The following SRFBP1 variants were observed in gnomAD, a reference collection of about 807,000 sequenced individuals.
SRFBP1 encodes the protein serum response factor-binding protein 1.
Under a neutral mutation model 45.5 loss-of-function variants are expected in SRFBP1, and 47 were observed. That is an observed-to-expected ratio of 1.03 (90% CI 0.82 to 1.32). SRFBP1 has a LOEUF of 1.32. Ranked by LOEUF, SRFBP1 falls within the 40% of genes most tolerant of loss-of-function variation. The pLI, the probability that SRFBP1 is intolerant of heterozygous loss-of-function variation, is 0.00. For missense variants in SRFBP1, 621 were observed against 484.6 expected, an observed-to-expected ratio of 1.28 and a Z score of -2.64; for synonymous variants, 203 against 166.3, an observed-to-expected ratio of 1.22 and a Z score of -1.70.
chr5:122,002,990 A>C (rs1270478559), intron 4 of SRFBP1, among the ~76,000 whole-genome samples: 1 of 152,218 alleles, frequency 6.6e-6, no homozygotes, highest in Non-Finnish European at 1.5e-5. Context: ...CAGAAAAGCA[A>C]CACCAAAGTT....
rs778604962 is a variant in SRFBP1, at chr5:121,975,297, G to C, written c.126-18G>C. 18 of 1,611,872 alleles carry C rather than the reference G, an allele frequency of 1.1e-5. No individual in the cohort carries two copies. On this transcript the variant is annotated intron_variant, in intron 2 of 7. Transcript: ENST00000339397. ...TTAATGCTTTGCCTGGCTACATATCGTAATGTATTTTTTGCAGGGGTACTG... is the reference window on the plus strand; with the variant it reads ...TTAATGCTTTGCCTGGCTACATATCCTAATGTATTTTTTGCAGGGGTACTG...
chr5:122,041,366 GT>G (rs1753770113), intron 2 of SRFBP1, among the ~76,000 whole-genome samples: 3 of 152,120 alleles, frequency 2.0e-5, no homozygotes, highest in Admixed American at 6.6e-5. Context: ...AAAGCAATCA[GT>G]ATAGGTATTT....
intron 2 of SRFBP1, among the ~76,000 whole-genome samples, chr5:122,056,835 C>G (rs1474787803): frequency 6.6e-6 from 1 of 152,090 alleles, no homozygotes; most frequent in East Asian, 1.9e-4. Flanking sequence ...AGGGCATGTC[C>G]TTTACTCCTG....
rs1677738501 is a variant in SRFBP1, at chr5:122,027,170, G to T, written c.*44G>T. 7 of 1,445,856 alleles carry T rather than the reference G, an allele frequency of 4.8e-6. No homozygotes were observed. The Admixed American group carries it at 1.2e-4, about 25-fold the overall frequency. The allele number at this position is 1,445,856 out of a possible 1,614,324, so 89.6% of individuals were successfully genotyped here. On this transcript the variant is annotated 3_prime_UTR_variant, in exon 8 of 8. Transcript: ENST00000339397. ...AACTTTTCCATCTAAAAAAAAAAAT[G>T]TTTTTTTTAAGACAGGATCTCATTC...
chr5:122,047,245 A>G (rs1486084277), intron 2 of SRFBP1, among the ~76,000 whole-genome samples: 1 of 152,218 alleles, frequency 6.6e-6, no homozygotes, highest in Non-Finnish European at 1.5e-5. Flanking sequence ...GAAGGGATCC[A>G]GTTTCAGCTT....
At chr5:122,059,108 GT>G (rs1292097341) in intron 2 of SRFBP1, among the ~76,000 whole-genome samples, 1 of 152,022 alleles carries the variant, frequency 6.6e-6, no homozygotes, top group African/African-American at 2.4e-5. Flanking sequence ...AGAGTATGTC[GT>G]TTTTTTCCAA....
intron 4 of SRFBP1, among the ~76,000 whole-genome samples, chr5:122,010,580 G>T (rs541818987): frequency 4.6e-5 from 7 of 152,082 alleles, no homozygotes; most frequent in Non-Finnish European, 8.8e-5. Context: ...ACTTCCTCCA[G>T]TTGATTGATA....
downstream of SRFBP1, chr5:122,077,066 A>G: frequency 2.5e-6 from 4 of 1,591,408 alleles, no homozygotes; most frequent in Non-Finnish European, 3.4e-6. The surrounding 1 kb of genome is among the most constrained non-coding windows in gnomAD (Gnocchi z 4.9). Context: ...CCAACTCCCT[A>G]CCCCTCTAGG....
chr5:121,986,869 G>A (rs1274733043), intron 3 of SRFBP1, among the ~76,000 whole-genome samples: 5 of 152,092 alleles, frequency 3.3e-5, no homozygotes, highest in African/African-American at 1.2e-4. Context: ...ATTTTAAAAA[G>A]CAAACATATT....
intron 4 of SRFBP1, among the ~76,000 whole-genome samples, chr5:121,997,205 A>T (rs1561585132): frequency 6.7e-6 from 1 of 149,274 alleles, no homozygotes; most frequent in Non-Finnish European, 1.5e-5. Flanking sequence ...CCCCATCGCC[A>T]AGTCAATCCT....
At chr5:121,970,788 A>G (rs765609344) in intron 1 of SRFBP1, among the ~76,000 whole-genome samples, 30 of 152,270 alleles carry the variant, frequency 2.0e-4, no homozygotes, top group African/African-American at 5.5e-4. Context: ...GCCATGCACT[A>G]TGTTAGGTGT....
intron 2 of SRFBP1, among the ~76,000 whole-genome samples, chr5:122,072,810 G>T (rs1055621619): frequency 6.6e-6 from 1 of 152,218 alleles, no homozygotes; most frequent in African/African-American, 2.4e-5. Context: ...AACCAGAAGT[G>T]CTATAATGTC....
intron 4 of SRFBP1, among the ~76,000 whole-genome samples, chr5:122,008,917 A>G (rs931154667): frequency 2.0e-5 from 3 of 152,140 alleles, no homozygotes; most frequent in Non-Finnish European, 4.4e-5. Flanking sequence ...AAATAACGTG[A>G]GTTTTGGGAG....
At chr5:121,983,839 G>C (rs752558447) in intron 3 of SRFBP1, among the ~76,000 whole-genome samples, 10 of 151,594 alleles carry the variant, frequency 6.6e-5, no homozygotes, top group Non-Finnish European at 1.5e-4. Flanking sequence ...AAATTTCTTA[G>C]TAGTAAACTT....
At chr5:122,021,450 G>A (rs189847338) in intron 6 of SRFBP1, among the ~76,000 whole-genome samples, 1 of 152,188 alleles carries the variant, frequency 6.6e-6, no homozygotes, top group East Asian at 1.9e-4. Context: ...AACTGTTTTT[G>A]CATATATTTA....
At chr5:122,066,558 A>G in intron 2 of SRFBP1, 1 of 495,500 alleles carries the variant, frequency 2.0e-6, no homozygotes. Context: ...TTTCCCAAGT[A>G]ATGATGACTT....
chr5:122,020,722 C>A lies in SRFBP1; in HGVS notation c.987C>A (p.Asp329Glu). ...AAACTCATGGGGATACAAGAAATGACAAAATCAAGCCAAGTACAGAAACCA... is the reference window on the plus strand; with the variant it reads ...AAACTCATGGGGATACAAGAAATGAAAAAATCAAGCCAAGTACAGAAACCA... ...TGETHGDTRNDKIKPSTETRK... is the reference protein window; with the variant it reads ...TGETHGDTRNEKIKPSTETRK... Residue 329 changes from aspartate to glutamate, a missense_variant, in exon 6 of 8, where the codon GAC becomes GAA. Transcript: ENST00000339397. 1 of 1,611,500 alleles carries A rather than the reference C, an allele frequency of 6.2e-7. No homozygotes were observed. The highest frequency in any genetic ancestry group is 8.5e-7 in the Non-Finnish European group (1 of 1,179,346).
At chr5:122,078,215 G>C (rs1287876934), downstream of SRFBP1, 1 of 421,774 alleles carries the variant, frequency 2.4e-6, no homozygotes, top group African/African-American at 2.1e-5. Flanking sequence ...AGTCCTGGAA[G>C]GCAACGGGGA....
intron 2 of SRFBP1, chr5:122,063,370 G>C (rs983946191): frequency 3.3e-5 from 5 of 151,814 alleles, no homozygotes; most frequent in Non-Finnish European, 7.4e-5. Context: ...TGAAAAATTT[G>C]GGAGAAGCTA....
Sources: gnomAD v4.1 joint callset for allele counts (sites outside exome capture counted in the v4.1 genomes callset) on GRCh38, gnomAD v4.1.1 for gene constraint, Gnocchi (gnomAD v3.1) non-coding constraint, MANE v1.5 for transcripts, NCBI Gene and HGNC (gene_info 2026-07-23, HGNC 2026-07-21) for gene names.